CACNA2D1: variants seen among roughly 807,000 people sequenced by gnomAD.
The protein encoded by CACNA2D1 is calcium voltage-gated channel auxiliary subunit alpha2delta 1, also known as voltage-dependent calcium channel subunit alpha-2/delta-1.
Under a neutral mutation model 171.5 loss-of-function variants are expected in CACNA2D1, and 53 were observed. The ratio of observed to expected loss-of-function variants is 0.31; its 90% CI spans 0.25 to 0.39. The LOEUF is 0.39. Ranked by LOEUF, CACNA2D1 falls within the 10% of genes least tolerant of loss-of-function variation. The probability of loss-of-function intolerance (pLI) is 1.00; values close to 1 mark genes in which losing one functional copy is unlikely to be tolerated. For synonymous variants in CACNA2D1, 442 were observed against 443.1 expected, an observed-to-expected ratio of 1.00 and a Z score of 0.03; for missense variants, 903 against 1,299.8, an observed-to-expected ratio of 0.69 and a Z score of 4.69.
At chr7:82,284,303 T>C (rs1408306034) in intron 3 of CACNA2D1, among the ~76,000 whole-genome samples, 1 of 152,104 alleles carries the variant, frequency 6.6e-6, no homozygotes, top group Admixed American at 6.6e-5. Context: ...GCATCACGTA[T>C]CTTGTATCTC....
chr7:82,169,224 G>A (rs763921466), intron 4 of CACNA2D1, among the ~76,000 whole-genome samples: 1 of 151,870 alleles, frequency 6.6e-6, no homozygotes, highest in Non-Finnish European at 1.5e-5. Flanking sequence ...CAGTTTGCTC[G>A]ATGCTCTAGG....
chr7:82,276,818 G>A (rs1275601786), intron 3 of CACNA2D1, among the ~76,000 whole-genome samples: 2 of 149,700 alleles, frequency 1.3e-5, no homozygotes, highest in African/African-American at 2.5e-5. Flanking sequence ...GTGCAATCTC[G>A]GCTCACTGCA....
At chr7:82,231,235 C>A (rs1802896157) in intron 3 of CACNA2D1, among the ~76,000 whole-genome samples, 1 of 152,282 alleles carries the variant, frequency 6.6e-6, no homozygotes, top group Admixed American at 6.5e-5. Context: ...TTACATTTAC[C>A]TGCTCTGGGA....
At chr7:81,964,830 CCTG>C (rs1208705730) in intron 32 of CACNA2D1, among the ~76,000 whole-genome samples, 1 of 151,834 alleles carries the variant, frequency 6.6e-6, no homozygotes, top group Non-Finnish European at 1.5e-5. Context: ...AGGTTAACAA[CCTG>C]AGATGATGGA....
intron 3 of CACNA2D1, among the ~76,000 whole-genome samples, chr7:82,301,998 A>C (rs565305106): frequency 6.6e-6 from 1 of 152,026 alleles, no homozygotes; most frequent in Admixed American, 6.6e-5. Context: ...GACCTCAGGT[A>C]ATTCACCCAC....
At chr7:82,166,208 T>G (rs902182503) in intron 4 of CACNA2D1, among the ~76,000 whole-genome samples, 4 of 152,040 alleles carry the variant, frequency 2.6e-5, no homozygotes, top group Non-Finnish European at 5.9e-5. Context: ...GGCAAAGTAA[T>G]TTTAATATTA....
At chr7:82,352,541 C>A (rs1585616792) in intron 1 of CACNA2D1, among the ~76,000 whole-genome samples, 1 of 152,134 alleles carries the variant, frequency 6.6e-6, no homozygotes, top group Non-Finnish European at 1.5e-5. Flanking sequence ...CTTTGTTAAT[C>A]CATTCAACAA....
At chr7:82,014,082 C>A (rs1194503012) in intron 13 of CACNA2D1, among the ~76,000 whole-genome samples, 1 of 151,938 alleles carries the variant, frequency 6.6e-6, no homozygotes, top group Non-Finnish European at 1.5e-5. Flanking sequence ...CATATTTAAG[C>A]TTTATGAAAT....
intron 2 of CACNA2D1, among the ~76,000 whole-genome samples, chr7:82,336,714 G>T (rs1030531821): frequency 5.9e-5 from 9 of 152,164 alleles, no homozygotes; most frequent in Non-Finnish European, 1.2e-4. Context: ...TTTCATTTCA[G>T]ACTAAGATAA....
chr7:82,188,156 T>C (rs187121446), intron 3 of CACNA2D1, among the ~76,000 whole-genome samples: 2 of 152,238 alleles, frequency 1.3e-5, no homozygotes, highest in Non-Finnish European at 2.9e-5. Context: ...CCCCACTTTC[T>C]AGTATCATTG....
At chr7:82,097,068 A>G (rs992603476) in intron 6 of CACNA2D1, among the ~76,000 whole-genome samples, 2 of 152,132 alleles carry the variant, frequency 1.3e-5, no homozygotes, top group Non-Finnish European at 2.9e-5. Flanking sequence ...GGTGATAAGC[A>G]GTATTAAAGA....
intron 25 of CACNA2D1, 103 bp from the exon 26 acceptor site, chr7:81,971,967 C>G: frequency 1.4e-6 from 1 of 736,636 alleles, no homozygotes; most frequent in Non-Finnish European, 2.4e-6. Flanking sequence ...GTAGATATTT[C>G]TATGAATTTT....
chr7:82,282,701 ATG>A (rs5885280), intron 3 of CACNA2D1, among the ~76,000 whole-genome samples: 4,052 of 108,602 alleles, frequency 0.037, 138 homozygotes, highest in East Asian at 0.1. Flanking sequence ...AAATTGTAAA[ATG>A]TGGGGGGGGG....
intron 2 of CACNA2D1, among the ~76,000 whole-genome samples, chr7:82,337,820 T>A (rs1292927583): frequency 6.6e-6 from 1 of 152,166 alleles, no homozygotes; most frequent in African/African-American, 2.4e-5. Flanking sequence ...CATGCTTTAG[T>A]TTCCCTAAAG....
chr7:82,042,891 A>G (rs1252183783), intron 10 of CACNA2D1, among the ~76,000 whole-genome samples: 1 of 152,170 alleles, frequency 6.6e-6, no homozygotes, highest in African/African-American at 2.4e-5. Flanking sequence ...ACCAGTTATA[A>G]TTTCATATTT....
chr7:82,293,812 G>T (rs756696094), intron 3 of CACNA2D1, among the ~76,000 whole-genome samples: 1 of 152,116 alleles, frequency 6.6e-6, no homozygotes, highest in Non-Finnish European at 1.5e-5. Context: ...TTTGCACCCA[G>T]CTTTTTAAAG....
intron 4 of CACNA2D1, among the ~76,000 whole-genome samples, chr7:82,143,776 G>T (rs1354689086): frequency 6.6e-6 from 1 of 152,206 alleles, no homozygotes; most frequent in Admixed American, 6.5e-5. Flanking sequence ...CTTTCACCTT[G>T]TATTAATCTA....
At chr7:82,062,263 A>C (rs950882362) in intron 9 of CACNA2D1, among the ~76,000 whole-genome samples, 2 of 152,076 alleles carry the variant, frequency 1.3e-5, no homozygotes, top group Non-Finnish European at 1.5e-5. Context: ...CACTGTCAAA[A>C]TTTTGCAAAG....
intron 3 of CACNA2D1, among the ~76,000 whole-genome samples, chr7:82,233,732 A>G (rs1374711741): frequency 1.3e-5 from 2 of 152,102 alleles, no homozygotes; most frequent in Non-Finnish European, 2.9e-5. Flanking sequence ...TGTTTCCCTA[A>G]AACAACTCGC....
Sources: allele counts gnomAD v4.1 joint callset (sites outside exome capture counted in the v4.1 genomes callset), GRCh38; gene constraint gnomAD v4.1.1; transcripts MANE v1.5; gene names NCBI Gene and HGNC (gene_info 2026-07-23, HGNC 2026-07-21).